The following TENM3 variants were observed in gnomAD, a reference collection of about 807,000 sequenced individuals.
TENM3 encodes teneurin-3.
In TENM3, 63 loss-of-function variants were observed where a neutral mutation model predicts 255.1. The observed-to-expected ratio is 0.25, with a 90% CI of 0.20 to 0.30. TENM3 has a LOEUF of 0.30. TENM3 is among the 10% of genes least tolerant of loss of function. The pLI is 1.00. For missense variants in TENM3, 2,929 were observed against 3,461.1 expected (o/e 0.85, Z 3.86); for synonymous variants, 1,306 against 1,322.3 (o/e 0.99, Z 0.27).
chr4:181,946,488 T>A, the TENM3 span, among the ~76,000 whole-genome samples: 1 of 152,170 alleles, frequency 6.6e-6, no homozygotes, highest in Admixed American at 6.5e-5. Context: ...TCCCTACACC[T>A]CTGAATTACT....
chr4:182,795,299 A>AT (rs1766419858), intron 26 of TENM3, among the ~76,000 whole-genome samples: 1 of 151,978 alleles, frequency 6.6e-6, no homozygotes, highest in Non-Finnish European at 1.5e-5. Flanking sequence ...CGGTCCTCTG[A>AT]TTTTCACTGT....
the TENM3 span, among the ~76,000 whole-genome samples, chr4:181,802,576 CAAAAAT>C: frequency 6.6e-6 from 1 of 152,142 alleles, no homozygotes; most frequent in Non-Finnish European, 1.5e-5. Flanking sequence ...ATCAAAAACT[CAAAAAT>C]ATATTAACCT....
At chr4:181,866,318 T>C in the TENM3 span, among the ~76,000 whole-genome samples, 1,717 of 152,260 alleles carry the variant, frequency 0.011, 90 homozygotes, top group Admixed American at 0.086. Context: ...GGTGATCAGT[T>C]GTGGCTAATT....
intron 3 of TENM3, among the ~76,000 whole-genome samples, chr4:182,486,000 A>G (rs1044460609): frequency 1.3e-5 from 2 of 152,266 alleles, no homozygotes; most frequent in South Asian, 4.1e-4. Flanking sequence ...GAAGAGAAGG[A>G]AAGCTGAGCT....
chr4:182,558,834 T>G (rs1455971051), intron 3 of TENM3, among the ~76,000 whole-genome samples: 1 of 152,188 alleles, frequency 6.6e-6, no homozygotes, highest in Non-Finnish European at 1.5e-5. Context: ...AATGTTTCCT[T>G]ATTGGAGATG....
chr4:182,036,266 C>T, the TENM3 span, among the ~76,000 whole-genome samples: 3 of 152,070 alleles, frequency 2.0e-5, no homozygotes, highest in African/African-American at 7.2e-5. Context: ...TCTCTGCTTA[C>T]TGCAACCTCC....
the TENM3 span, among the ~76,000 whole-genome samples, chr4:181,805,007 G>A: frequency 1.6e-4 from 24 of 152,136 alleles, no homozygotes; most frequent in Non-Finnish European, 2.8e-4. Context: ...CCTCCTATGG[G>A]TCTTCATAAG....
intron 3 of TENM3, among the ~76,000 whole-genome samples, chr4:182,550,607 G>T (rs1045614234): frequency 2.6e-5 from 4 of 152,016 alleles, no homozygotes; most frequent in Non-Finnish European, 4.4e-5. Flanking sequence ...TTCTTTTTGG[G>T]TTTTCTGGGT....
the TENM3 span, among the ~76,000 whole-genome samples, chr4:181,535,668 G>C: frequency 6.6e-6 from 1 of 152,118 alleles, no homozygotes; most frequent in Non-Finnish European, 1.5e-5. Flanking sequence ...CCCTTACTTT[G>C]CCCTCACCAC....
At chr4:182,661,223 C>T (rs1233642909) in intron 6 of TENM3, among the ~76,000 whole-genome samples, 9 of 101,188 alleles carry the variant, frequency 8.9e-5, no homozygotes, top group South Asian at 3.3e-4. Flanking sequence ...TTTTTTGAGA[C>T]GGAGTCTCGC....
the TENM3 span, among the ~76,000 whole-genome samples, chr4:181,658,851 G>C: frequency 6.6e-6 from 1 of 152,148 alleles, no homozygotes; most frequent in South Asian, 2.1e-4. Flanking sequence ...CAGCTTGTGG[G>C]AGATGGAGCC....
Position 182,396,339 on chromosome 4 carries a change from C to A in TENM3, c.511+49410C>A, listed in dbSNP as rs1209434716. Among the ~76,000 whole-genome samples the A allele has an allele frequency of 2.0e-5, 3 of 152,152 alleles. 1 individual carries two copies. Among genetic ancestry groups the A allele is most frequent in the Non-Finnish European group, 4.4e-5 (3 of 68,024 alleles). ...AAAGAATGCAGGCCTTAGAGTCAGC[C>A]AGTCCTGATGTCTTCCACTTACAGC... On this transcript the variant is annotated intron_variant, in intron 3 of 27. Transcript: ENST00000511685.
Position 182,163,889 on chromosome 4 carries a change from G to C in TENM3, c.-76+19135G>C, listed in dbSNP as rs114825103. On this transcript the variant is annotated intron_variant, in intron 1 of 2. Transcript: ENST00000512480. ...AGGGTTCCTCAGAAACAAGCCCTTA[G>C]ACCCTCTGCCTTCACACTGTATCCA... Among the ~76,000 whole-genome samples the C allele has an allele frequency of 5.3e-3, 804 of 152,260 alleles. 8 individuals carry two copies. The highest frequency in any genetic ancestry group is 0.018 in the African/African-American group (766 of 41,550).
the TENM3 span, among the ~76,000 whole-genome samples, chr4:181,584,849 A>G: frequency 3.3e-3 from 508 of 152,270 alleles, 3 homozygotes; most frequent in Middle Eastern, 0.014. Context: ...AGCTAGCTAT[A>G]TATTTAGCAG....
At chr4:181,604,537 G>A in the TENM3 span, among the ~76,000 whole-genome samples, 1 of 152,098 alleles carries the variant, frequency 6.6e-6, no homozygotes, top group East Asian at 1.9e-4. Context: ...ATGGCTGTGC[G>A]TTCCTCGGGG....
the TENM3 span, among the ~76,000 whole-genome samples, chr4:181,930,368 A>G: frequency 1.3e-5 from 2 of 152,196 alleles, no homozygotes; most frequent in African/African-American, 4.8e-5. Context: ...ACAAACTACC[A>G]TCAGAGAATA....
At chr4:182,609,090 A>T (rs188888266) in intron 4 of TENM3, among the ~76,000 whole-genome samples, 328 of 152,332 alleles carry the variant, frequency 2.2e-3, no homozygotes, top group African/African-American at 7.6e-3. Context: ...ACGCTAGGCC[A>T]GGAACCATTT....
intron 13 of TENM3, 79 bp from the exon 14 acceptor site, chr4:182,728,886 A>G (rs1035486947): frequency 2.9e-5 from 31 of 1,051,124 alleles, no homozygotes; most frequent in Admixed American, 5.2e-5. Flanking sequence ...AAAAAAAAAA[A>G]CAGTCAAGAA....
chr4:182,455,191 T>G (rs1459692394), intron 3 of TENM3, among the ~76,000 whole-genome samples: 1 of 152,222 alleles, frequency 6.6e-6, no homozygotes, highest in East Asian at 1.9e-4. Flanking sequence ...CTTATTTGTT[T>G]AAGAATCATT....
Sources: allele counts gnomAD v4.1 joint callset (sites outside exome capture counted in the v4.1 genomes callset), GRCh38; gene constraint gnomAD v4.1.1; transcripts MANE v1.5; gene names NCBI Gene and HGNC (gene_info 2026-07-23, HGNC 2026-07-21).